The following ULK4 variants were observed in gnomAD, a reference collection of about 807,000 sequenced individuals.
ULK4 encodes unc-51 like kinase 4.
ULK4 carries 133 observed loss-of-function variants against 160.6 expected under a neutral mutation model. That is an observed-to-expected ratio of 0.83 (90% CI 0.72 to 0.96). ULK4 has a LOEUF of 0.96. Ranked by LOEUF, ULK4 falls within the 40% of genes least tolerant of loss-of-function variation. ULK4 has a pLI of 0.00. For synonymous variants in ULK4, 534 were observed against 539.8 expected (o/e 0.99, Z 0.15); for missense variants, 1,580 against 1,499.5 (o/e 1.05, Z -0.89).
chr3:41,620,064 A>C (rs2033165719), intron 30 of ULK4, among the ~76,000 whole-genome samples: 1 of 152,170 alleles, frequency 6.6e-6, no homozygotes, highest in Non-Finnish European at 1.5e-5. Context: ...CTAAACCATG[A>C]AGAACTCGAA....
intron 31 of ULK4, among the ~76,000 whole-genome samples, chr3:41,588,489 C>A (rs2031002174): frequency 6.6e-6 from 1 of 152,054 alleles, no homozygotes; most frequent in Non-Finnish European, 1.5e-5. Flanking sequence ...TATCTATGGG[C>A]AAACTGAGGA....
chr3:41,697,515 T>C (rs1055115355), intron 27 of ULK4, among the ~76,000 whole-genome samples: 2 of 152,184 alleles, frequency 1.3e-5, no homozygotes, highest in Admixed American at 6.5e-5. Flanking sequence ...ATGAGTGTCA[T>C]TACAAAAGAG....
At chr3:41,764,744 A>G (rs548434137) in intron 21 of ULK4, among the ~76,000 whole-genome samples, 46 of 152,386 alleles carry the variant, frequency 3.0e-4, no homozygotes, top group African/African-American at 1.1e-3. Context: ...TCTTAAAGGA[A>G]TAACTGCTAT....
intron 35 of ULK4, among the ~76,000 whole-genome samples, chr3:41,365,854 C>T (rs1328821213): frequency 6.6e-6 from 1 of 150,960 alleles, no homozygotes; most frequent in Admixed American, 6.6e-5. Context: ...AAACTACAGA[C>T]TTAAAAAAAA....
At chr3:41,644,920 G>C (rs1418217053) in intron 30 of ULK4, among the ~76,000 whole-genome samples, 4 of 152,116 alleles carry the variant, frequency 2.6e-5, no homozygotes, top group Non-Finnish European at 5.9e-5. Flanking sequence ...GTTTAGTCTT[G>C]GGAGGGTGTA....
intron 35 of ULK4, among the ~76,000 whole-genome samples, chr3:41,255,129 TACACACAC>T (rs369404667): frequency 3.5e-5 from 5 of 144,178 alleles, no homozygotes; most frequent in Non-Finnish European, 6.1e-5. Flanking sequence ...AAATTATGGC[TACACACAC>T]ACACACACAC....
At chr3:41,691,258 T>A (rs1003242679) in intron 27 of ULK4, among the ~76,000 whole-genome samples, 4 of 151,750 alleles carry the variant, frequency 2.6e-5, no homozygotes, top group Admixed American at 2.6e-4. Flanking sequence ...CCCCTGCACA[T>A]ACGAACAACC....
chr3:41,937,381 C>T, intron 3 of ULK4: 1 of 674,040 alleles, frequency 1.5e-6, no homozygotes, highest in Non-Finnish European at 2.7e-6. Flanking sequence ...GTTATTAATC[C>T]AAATTACTTC....
chr3:41,755,512 T>C (rs1290380674), intron 21 of ULK4, among the ~76,000 whole-genome samples: 1 of 152,152 alleles, frequency 6.6e-6, no homozygotes, highest in East Asian at 1.9e-4. Context: ...GAAGATCTGT[T>C]TTCTACCTTT....
chr3:41,812,861 T>C (rs2040857123), intron 19 of ULK4, among the ~76,000 whole-genome samples: 1 of 152,186 alleles, frequency 6.6e-6, no homozygotes, highest in Admixed American at 6.5e-5. Flanking sequence ...TGTGTGTACA[T>C]TAGGGAGGCT....
chr3:41,421,045 C>G (rs1040882731), intron 34 of ULK4, among the ~76,000 whole-genome samples: 2 of 151,076 alleles, frequency 1.3e-5, no homozygotes, highest in Non-Finnish European at 2.9e-5. Context: ...GCCTGGGAGG[C>G]GGAGGTTGCA....
At chr3:41,737,490 T>C (rs530932058) in intron 22 of ULK4, among the ~76,000 whole-genome samples, 2 of 151,980 alleles carry the variant, frequency 1.3e-5, no homozygotes, top group South Asian at 4.2e-4. Flanking sequence ...CAAATGACTT[T>C]CTTCACAGAA....
chr3:41,631,153 T>C (rs2033726086), intron 30 of ULK4, among the ~76,000 whole-genome samples: 1 of 152,208 alleles, frequency 6.6e-6, no homozygotes, highest in Non-Finnish European at 1.5e-5. Context: ...TTGCCTGCAA[T>C]TCTTGCTAAT....
At chr3:41,870,848 G>C (rs1440873257) in intron 17 of ULK4, among the ~76,000 whole-genome samples, 1 of 152,070 alleles carries the variant, frequency 6.6e-6, no homozygotes, top group Non-Finnish European at 1.5e-5. Context: ...TTGGCTCTGT[G>C]TCCCCACCCA....
intron 17 of ULK4, among the ~76,000 whole-genome samples, chr3:41,850,306 C>T (rs1484078194): frequency 6.6e-6 from 1 of 152,154 alleles, no homozygotes; most frequent in Non-Finnish European, 1.5e-5. Flanking sequence ...GCATGACTTA[C>T]AATCCTTTGG....
intron 35 of ULK4, among the ~76,000 whole-genome samples, chr3:41,306,780 CTT>C (rs1161943691): frequency 1.3e-5 from 2 of 151,672 alleles, no homozygotes; most frequent in Admixed American, 1.3e-4. Flanking sequence ...ACATGGGAGA[CTT>C]TTCATTTTGT....
intron 31 of ULK4, among the ~76,000 whole-genome samples, chr3:41,590,058 A>G (rs984000203): frequency 1.3e-5 from 2 of 151,916 alleles, no homozygotes; most frequent in Non-Finnish European, 1.5e-5. Context: ...GCTGGAGTAC[A>G]GTGGCGCGAT....
chr3:41,833,358 C>T (rs757976085), intron 18 of ULK4, among the ~76,000 whole-genome samples: 11 of 151,182 alleles, frequency 7.3e-5, no homozygotes, highest in Non-Finnish European at 1.2e-4. Flanking sequence ...GGCAGTGGCG[C>T]AATCTCGGCT....
At chr3:41,384,386 G>A (rs2081749938) in intron 35 of ULK4, among the ~76,000 whole-genome samples, 1 of 152,112 alleles carries the variant, frequency 6.6e-6, no homozygotes, top group Non-Finnish European at 1.5e-5. Context: ...GCCTTGGTTG[G>A]AATGTGACTT....
Sources: gnomAD v4.1 joint callset for allele counts (sites outside exome capture counted in the v4.1 genomes callset) on GRCh38, gnomAD v4.1.1 for gene constraint, MANE v1.5 for transcripts, NCBI Gene and HGNC (gene_info 2026-07-23, HGNC 2026-07-21) for gene names.